The following RAB5C variants were observed in gnomAD, a reference collection of about 807,000 sequenced individuals.
RAB5C encodes the protein RAB5C, member RAS oncogene family.
In RAB5C, 4 loss-of-function variants were observed where a neutral mutation model predicts 25.2. The ratio of observed to expected loss-of-function variants is 0.16; its 90% CI spans 0.08 to 0.36. The LOEUF (loss-of-function observed/expected upper bound fraction) is 0.36. Ranked by LOEUF, RAB5C falls within the 10% of genes least tolerant of loss-of-function variation. The pLI, the probability that RAB5C is intolerant of heterozygous loss-of-function variation, is 1.00. For synonymous variants in RAB5C, 100 were observed against 106.4 expected (o/e 0.94, Z 0.37); for missense variants, 199 against 283.8 (o/e 0.70, Z 2.15).
At chr17:42,134,071 A>G (rs2144072374) in intron 1 of RAB5C, among the ~76,000 whole-genome samples, 1 of 152,266 alleles carries the variant, frequency 6.6e-6, no homozygotes, top group Non-Finnish European at 1.5e-5. Flanking sequence ...TTTGCAGTCA[A>G]TAAAGCCCAA....
Position 42,131,923 on chromosome 17 carries a change from T to C in RAB5C, c.-88-1333A>G, listed in dbSNP as rs914070828. The C allele has an allele frequency of 9.8e-5, 28 of 287,162 alleles. 1 individual carries two copies. Among genetic ancestry groups the C allele is most frequent in the Middle Eastern group, 1.1e-3 (1 of 932 alleles). The allele number at this position is 287,162 out of a possible 1,614,324, so 17.8% of individuals were successfully genotyped here. ...TTTACAAACAGGTCCTGTGAGTAGG[T>C]ATTAAGTACTGAACACTGTTCAGCA... On this transcript the variant is annotated intron_variant, in intron 1 of 5. Coordinates refer to ENST00000346213, the MANE Select transcript of RAB5C (RefSeq NM_004583.4).
intron 3 of RAB5C, 96 bp downstream of exon 3, chr17:42,128,553 G>C: frequency 7.5e-7 from 1 of 1,329,744 alleles, no homozygotes; most frequent in Non-Finnish European, 1.0e-6. Context: ...CCCAGGAACA[G>C]AGGGTTAAGC....
chr17:42,142,264 C>T (rs1303679818), intron 1 of RAB5C, among the ~76,000 whole-genome samples: 3 of 151,638 alleles, frequency 2.0e-5, no homozygotes, highest in Admixed American at 6.6e-5. Flanking sequence ...CAAACTCCTG[C>T]GCTCAAGCAA....
intron 1 of RAB5C, among the ~76,000 whole-genome samples, chr17:42,146,623 C>T (rs1270069234): frequency 6.6e-6 from 1 of 152,148 alleles, no homozygotes; most frequent in Non-Finnish European, 1.5e-5. Flanking sequence ...GTGGCGTACG[C>T]CTGTAGTCCC....
At chr17:42,127,074 C>T (rs1011052957) in intron 4 of RAB5C, among the ~76,000 whole-genome samples, 6 of 152,228 alleles carry the variant, frequency 3.9e-5, no homozygotes, top group African/African-American at 9.7e-5. Flanking sequence ...CCGGGTTTCC[C>T]CAGGTCCACC....
rs141598392 is a variant in RAB5C at position 42,125,801 on chromosome 17, G to C, written c.633C>G (p.Ser211Arg). 1.9e-6 allele frequency: 3 copies of C among 1,606,276 alleles called. No homozygotes were observed. The highest frequency in any genetic ancestry group is 2.5e-6 in the Non-Finnish European group (3 of 1,176,858). The change falls in exon 6 of 6, where the codon AGC (serine) becomes AGG (arginine). Residue 211 changes from serine (S) to arginine (R), a missense_variant. By Grantham distance (110) the Ser-to-Arg change is moderately radical. Coordinates refer to ENST00000346213, the MANE Select transcript of RAB5C (RefSeq NM_004583.4). ...DLQENNPASR[S>R]QCCSN ...GGGGGGCTCAGTTGCTGCAGCACTG[G>C]CTCCGGCTGGCTGGGTTGTTCTCCT...
At chr17:42,143,753 A>AT (rs2079616140) in intron 1 of RAB5C, among the ~76,000 whole-genome samples, 1 of 152,166 alleles carries the variant, frequency 6.6e-6, no homozygotes, top group African/African-American at 2.4e-5. Flanking sequence ...AAGCTGAAAC[A>AT]TTTTGGGCAA....
chr17:42,143,852 C>A (rs146871023), intron 1 of RAB5C, among the ~76,000 whole-genome samples: 3,926 of 152,130 alleles, frequency 0.026, 79 homozygotes, highest in Non-Finnish European at 0.036. Flanking sequence ...GTGGCAGGAT[C>A]TCTGCTCACT....
At chr17:42,142,179 A>G (rs1455451729) in intron 1 of RAB5C, among the ~76,000 whole-genome samples, 5 of 143,550 alleles carry the variant, frequency 3.5e-5, no homozygotes, top group Non-Finnish European at 7.5e-5. Flanking sequence ...AAAAAAAAAA[A>G]GCCCCATTAA....
chr17:42,147,144 A>AGAG (rs2079642545), intron 1 of RAB5C, among the ~76,000 whole-genome samples: 3 of 99,620 alleles, frequency 3.0e-5, no homozygotes, highest in African/African-American at 1.3e-4. Flanking sequence ...GAAAGAAAGA[A>AGAG]AGAGAGAGAG....
At chr17:42,150,042 G>A (rs954738480) in intron 1 of RAB5C, among the ~76,000 whole-genome samples, 4 of 151,976 alleles carry the variant, frequency 2.6e-5, no homozygotes, top group African/African-American at 7.2e-5. Flanking sequence ...GTGCCACCAC[G>A]CCTGACTAAT....
At chr17:42,127,726 G>A (rs968512404) in intron 4 of RAB5C, among the ~76,000 whole-genome samples, 1 of 150,902 alleles carries the variant, frequency 6.6e-6, no homozygotes, top group African/African-American at 2.4e-5. Flanking sequence ...ATGGGGTTTC[G>A]CCACATTGCC....
At chr17:42,129,363 C>T (rs941159126) in intron 2 of RAB5C, among the ~76,000 whole-genome samples, 26 of 152,190 alleles carry the variant, frequency 1.7e-4, no homozygotes, top group Admixed American at 1.6e-3. Context: ...CACCTCCAGG[C>T]ACTCCAGCTA....
In RAB5C at chr17:42,124,993, C is replaced by G. The variant is rs948125702; in HGVS notation, c.*790G>C. 1 of 152,718 alleles carries G rather than the reference C, an allele frequency of 6.5e-6. No individual in the cohort carries two copies. The highest frequency in any genetic ancestry group is 1.5e-5 in the Non-Finnish European group (1 of 68,044). The allele number at this position is 152,718 out of a possible 1,614,324, so 9.5% of individuals were successfully genotyped here. A position where few individuals can be genotyped will look rare whatever the true frequency, so the allele number is the denominator to read the frequency against. ...GAAGACAATTGTGAGGTCGATCGAT[C>G]GGCTGACTATATTGACAAGATACTG... On this transcript the variant is annotated 3_prime_UTR_variant, in exon 6 of 6. Coordinates refer to ENST00000346213, the MANE Select transcript of RAB5C (RefSeq NM_004583.4).
intron 1 of RAB5C, among the ~76,000 whole-genome samples, chr17:42,140,507 ATATATATATTTTTTTTTTTT>A (rs1178302216): frequency 4.7e-3 from 190 of 40,788 alleles, no homozygotes; most frequent in Middle Eastern, 0.024. Flanking sequence ...ATATATATAT[ATATATATATTTTTTTTTTTT>A]TTTTTTTTTT....
intron 1 of RAB5C, among the ~76,000 whole-genome samples, chr17:42,153,701 G>T (rs190853659): frequency 6.6e-6 from 1 of 152,220 alleles, no homozygotes; most frequent in East Asian, 1.9e-4. Flanking sequence ...TACAGTCTCC[G>T]GCCTGTACTT....
At chr17:42,140,591 T>G (rs2144084155) in intron 1 of RAB5C, among the ~76,000 whole-genome samples, 1 of 141,502 alleles carries the variant, frequency 7.1e-6, no homozygotes, top group African/African-American at 2.5e-5. Flanking sequence ...TGGCACAATC[T>G]GGGCTCACTA....
chr17:42,127,432 G>A (rs1382216977), intron 4 of RAB5C, among the ~76,000 whole-genome samples: 1 of 152,160 alleles, frequency 6.6e-6, no homozygotes, highest in African/African-American at 2.4e-5. Context: ...CAAGAAAAGA[G>A]AAGTAGAAGG....
chr17:42,152,901 C>A lies in RAB5C; in HGVS notation c.-89+1992G>T, dbSNP rs527541236. Among the ~76,000 whole-genome samples, 18 of 152,274 alleles carry A rather than the reference C, an allele frequency of 1.2e-4. No individual in the cohort carries two copies. The East Asian group carries it at 3.3e-3, about 28-fold the overall frequency. ...AGCACTCCTGAAGAGTGACAAACTG[C>A]GGTCTACTCCTGAAGACCTAAGTCT... On this transcript the variant is annotated intron_variant, in intron 1 of 5. Transcript: ENST00000346213.
Sources: gnomAD v4.1 joint callset for allele counts (sites outside exome capture counted in the v4.1 genomes callset) on GRCh38, gnomAD v4.1.1 for gene constraint, MANE v1.5 for transcripts, NCBI Gene and HGNC (gene_info 2026-07-23, HGNC 2026-07-21) for gene names.